The following CNTN4 variants were observed in gnomAD, a reference collection of about 807,000 sequenced individuals.
CNTN4 encodes the protein contactin 4.
In CNTN4, 77 loss-of-function variants were observed where a neutral mutation model predicts 122.5. The ratio of observed to expected loss-of-function variants is 0.63; its 90% CI spans 0.52 to 0.76. The LOEUF is 0.76. CNTN4 is among the 30% of genes least tolerant of loss of function. The pLI, the probability that CNTN4 is intolerant of heterozygous loss-of-function variation, is 0.00. For synonymous variants in CNTN4, 512 were observed against 447.0 expected (o/e 1.15, Z -1.83); for missense variants, 1,256 against 1,259.1 (o/e 1.00, Z 0.04).
chr3:2,767,896 T>G (rs972285557), intron 6 of CNTN4, among the ~76,000 whole-genome samples: 5 of 152,198 alleles, frequency 3.3e-5, no homozygotes, highest in Non-Finnish European at 5.9e-5. Flanking sequence ...TTTTTTCCTT[T>G]AAGTGGTTAG....
At chr3:2,814,861 A>G (rs2092692278) in intron 6 of CNTN4, among the ~76,000 whole-genome samples, 3 of 152,222 alleles carry the variant, frequency 2.0e-5, no homozygotes. Context: ...AATGGAATTC[A>G]ATGAGATCAA....
chr3:2,959,854 C>G (rs950929385), intron 13 of CNTN4, among the ~76,000 whole-genome samples: 1 of 152,078 alleles, frequency 6.6e-6, no homozygotes, highest in Admixed American at 6.5e-5. Context: ...TTAAAACCAG[C>G]TTAAATAACT....
intron 3 of CNTN4, among the ~76,000 whole-genome samples, chr3:2,511,158 C>T (rs2076875307): frequency 6.6e-6 from 1 of 152,162 alleles, no homozygotes; most frequent in African/African-American, 2.4e-5. Flanking sequence ...AATCATAGGG[C>T]AAACCCACCC....
chr3:2,513,022 T>TG (rs1433157377), intron 3 of CNTN4, among the ~76,000 whole-genome samples: 2 of 152,104 alleles, frequency 1.3e-5, no homozygotes, highest in Non-Finnish European at 2.9e-5. Context: ...GGAGGGAAAA[T>TG]GATCACAAAA....
intron 3 of CNTN4, among the ~76,000 whole-genome samples, chr3:2,494,615 G>T (rs1219686077): frequency 6.6e-6 from 1 of 152,200 alleles, no homozygotes; most frequent in Non-Finnish European, 1.5e-5. Flanking sequence ...ATCAGGGAAA[G>T]TCCTGGCAGG....
chr3:2,641,150 C>T (rs1167947616), intron 4 of CNTN4, among the ~76,000 whole-genome samples: 1 of 151,982 alleles, frequency 6.6e-6, no homozygotes, highest in Non-Finnish European at 1.5e-5. Context: ...AAAAGAAATG[C>T]ACCAAACGCA....
chr3:2,377,771 GA>G (rs766988516), intron 3 of CNTN4, among the ~76,000 whole-genome samples: 3 of 144,222 alleles, frequency 2.1e-5, no homozygotes, highest in African/African-American at 8.1e-5. Flanking sequence ...ATTTTTTTGT[GA>G]TTATTTTTTT....
intron 18 of CNTN4, among the ~76,000 whole-genome samples, chr3:3,038,534 T>A (rs78478016): frequency 0.1 from 15,230 of 152,194 alleles, 851 homozygotes; most frequent in Middle Eastern, 0.12. Context: ...TCCAACCAGC[T>A]TGTAAGCTCT....
At chr3:2,346,077 T>A (rs923016021) in intron 3 of CNTN4, among the ~76,000 whole-genome samples, 1 of 152,214 alleles carries the variant, frequency 6.6e-6, no homozygotes, top group African/African-American at 2.4e-5. Context: ...TTGCACTTAT[T>A]TTGATTCCTG....
In CNTN4 at chr3:2,490,080, GA is replaced by G. The variant is rs754660502; in HGVS notation, c.-88-81323del. On this transcript the variant is annotated intron_variant, in intron 3 of 24. Coordinates refer to ENST00000418658, the MANE Select transcript of CNTN4 (RefSeq NM_175607.3). ...AGAATTATTATCTCTACCAGGAAAG[GA>G]AAAAAAAAAAAACCTCTCAAGTAAC... is the stretch of plus-strand genomic sequence containing the variant. Among the ~76,000 whole-genome samples, 398 of 129,910 alleles carry G rather than the reference GA, an allele frequency of 3.1e-3. 3 individuals carry two copies. The highest frequency in any genetic ancestry group is 0.02 in the East Asian group (90 of 4,526). The allele number at this position is 129,910 out of a possible 152,430, so 85.2% of individuals were successfully genotyped here. A position where few individuals can be genotyped will look rare whatever the true frequency, so the allele number is the denominator to read the frequency against.
At chr3:2,216,570 T>C (rs913296852) in intron 2 of CNTN4, among the ~76,000 whole-genome samples, 4 of 152,060 alleles carry the variant, frequency 2.6e-5, no homozygotes, top group African/African-American at 9.7e-5. Flanking sequence ...AAAACAAACA[T>C]GAATCAACAC....
chr3:2,951,565 T>C (rs947121000), intron 13 of CNTN4, among the ~76,000 whole-genome samples: 14 of 152,208 alleles, frequency 9.2e-5, no homozygotes, highest in African/African-American at 3.4e-4. Context: ...TAAATTTAGT[T>C]CGTGCATAAT....
chr3:2,660,178 C>T (rs1219289710), intron 4 of CNTN4, among the ~76,000 whole-genome samples: 2 of 151,796 alleles, frequency 1.3e-5, no homozygotes, highest in African/African-American at 4.8e-5. Flanking sequence ...AGCCACAGCA[C>T]GCACTGATTT....
chr3:2,839,906 A>T (rs1047204510), intron 7 of CNTN4, among the ~76,000 whole-genome samples: 4 of 152,012 alleles, frequency 2.6e-5, no homozygotes, highest in African/African-American at 9.7e-5. Flanking sequence ...CTTTTTTAAA[A>T]TTTTTTTTCT....
intron 3 of CNTN4, among the ~76,000 whole-genome samples, chr3:2,472,915 A>G (rs756695403): frequency 6.6e-6 from 1 of 152,108 alleles, no homozygotes; most frequent in Non-Finnish European, 1.5e-5. Flanking sequence ...TGGTGAGTCA[A>G]TAAGTGATTA....
rs747783420 is a variant in CNTN4 at position 2,888,608 on chromosome 3, A to G, written c.940+1384A>G. Among the ~76,000 whole-genome samples, 3 of 152,108 alleles carry G rather than the reference A, an allele frequency of 2.0e-5. No homozygotes were observed. In the South Asian group the frequency reaches 6.2e-4, roughly 31 times the overall value. The stretch of plus-strand genomic sequence containing the variant: ...CATGCAGATGGTTCTCCTTTCATAA[A>G]TATCCATGACTCCTCCTGTAGCTTA... On this transcript the variant is annotated intron_variant, in intron 10 of 24. Coordinates refer to ENST00000418658, the MANE Select transcript of CNTN4 (RefSeq NM_175607.3).
intron 6 of CNTN4, among the ~76,000 whole-genome samples, chr3:2,814,556 A>G (rs1220933843): frequency 6.6e-6 from 1 of 152,178 alleles, no homozygotes; most frequent in Non-Finnish European, 1.5e-5. Context: ...ACTTATACCA[A>G]CCCATCACAC....
At chr3:2,151,349 G>A (rs534493850) in intron 2 of CNTN4, among the ~76,000 whole-genome samples, 8 of 152,220 alleles carry the variant, frequency 5.3e-5, no homozygotes, top group Non-Finnish European at 1.2e-4. Flanking sequence ...AGATTTGAAT[G>A]CTGACAGGGA....
chr3:3,001,252 C>A (rs1696013054), intron 14 of CNTN4, among the ~76,000 whole-genome samples: 1 of 152,296 alleles, frequency 6.6e-6, no homozygotes, highest in African/African-American at 2.4e-5. Context: ...AACCTCAAGT[C>A]TCTCTCACTA....
Sources: gnomAD v4.1 joint callset for allele counts (sites outside exome capture counted in the v4.1 genomes callset) on GRCh38, gnomAD v4.1.1 for gene constraint, MANE v1.5 for transcripts, NCBI Gene and HGNC (gene_info 2026-07-23, HGNC 2026-07-21) for gene names.